SPAG16: variants seen among roughly 807,000 people sequenced by gnomAD.
The protein encoded by SPAG16 is sperm-associated antigen 16 protein.
A neutral mutation model predicts 80.4 loss-of-function variants in SPAG16; 86 were observed. That is an observed-to-expected ratio of 1.07 (90% CI 0.90 to 1.28). SPAG16 has a LOEUF of 1.28. Among genes scored for constraint, SPAG16 ranks in the 50% most tolerant of loss-of-function variants. The pLI is 0.00. For synonymous variants in SPAG16, 294 were observed against 265.9 expected (o/e 1.11, Z -1.03); for missense variants, 870 against 765.3 (o/e 1.14, Z -1.61).
intron 9 of SPAG16, among the ~76,000 whole-genome samples, chr2:213,383,523 T>C (rs1012000612): frequency 7.2e-5 from 11 of 152,198 alleles, no homozygotes; most frequent in Non-Finnish European, 4.4e-5. Context: ...AATGATGATA[T>C]ACACTCCAAT....
intron 15 of SPAG16, among the ~76,000 whole-genome samples, chr2:214,361,568 G>T (rs1699185709): frequency 6.6e-6 from 1 of 151,838 alleles, no homozygotes; most frequent in Non-Finnish European, 1.5e-5. Context: ...CATCCAGGTT[G>T]TTTTGTTTAA....
intron 10 of SPAG16, among the ~76,000 whole-genome samples, chr2:213,841,120 G>T (rs1036880605): frequency 4.6e-5 from 7 of 151,908 alleles, no homozygotes; most frequent in African/African-American, 9.7e-5. Flanking sequence ...TGCTTTTTTG[G>T]TTTTTGTTTT....
chr2:213,738,668 G>T (rs1252531075), intron 10 of SPAG16, among the ~76,000 whole-genome samples: 1 of 152,080 alleles, frequency 6.6e-6, no homozygotes, highest in Non-Finnish European at 1.5e-5. Flanking sequence ...TATTGTTTTT[G>T]TTATTATTGT....
chr2:214,193,395 ATGTGTG>A (rs60839638), intron 15 of SPAG16, among the ~76,000 whole-genome samples: 63 of 124,460 alleles, frequency 5.1e-4, no homozygotes, highest in African/African-American at 1.4e-3. Context: ...GAGATCTTTT[ATGTGTG>A]TGTGTGTGTG....
At chr2:213,387,940 G>T (rs1042179576) in intron 9 of SPAG16, among the ~76,000 whole-genome samples, 1 of 152,082 alleles carries the variant, frequency 6.6e-6, no homozygotes, top group African/African-American at 2.4e-5. Context: ...GTGGCAGAGT[G>T]GGAAGCACCA....
rs1287378970 is a variant in SPAG16, at chr2:213,961,192, T to C, written c.1400+31047T>C. 2.0e-5 allele frequency among the ~76,000 whole-genome samples: 3 copies of C among 152,230 alleles called. No individual in the cohort carries two copies. The East Asian group carries it at 5.8e-4, about 29-fold the overall frequency. ...TTTAGGTGGGAAGAAAGATTCCTGGTGCTTCTTATTCTGCCATCTCTCCAA... is the reference window on the plus strand; with the variant it reads ...TTTAGGTGGGAAGAAAGATTCCTGGCGCTTCTTATTCTGCCATCTCTCCAA... On this transcript the variant is annotated intron_variant, in intron 12 of 15. Transcript: ENST00000331683.
At chr2:213,777,186 A>G (rs1351629200) in intron 10 of SPAG16, among the ~76,000 whole-genome samples, 1 of 150,690 alleles carries the variant, frequency 6.6e-6, no homozygotes, top group African/African-American at 2.4e-5. Context: ...ATATATTAAT[A>G]CTAACCCCAA....
At chr2:213,753,212 C>T (rs1469042956) in intron 10 of SPAG16, among the ~76,000 whole-genome samples, 2 of 152,132 alleles carry the variant, frequency 1.3e-5, no homozygotes, top group Non-Finnish European at 2.9e-5. Context: ...TGGGGTTTCA[C>T]TTTGTTAGCC....
chr2:213,636,371 A>T (rs1288960210), intron 10 of SPAG16, among the ~76,000 whole-genome samples: 1 of 152,128 alleles, frequency 6.6e-6, no homozygotes, highest in Non-Finnish European at 1.5e-5. Flanking sequence ...TATAGTTTGA[A>T]GTTGGGTAAT....
At chr2:213,663,567 C>A (rs943606280) in intron 10 of SPAG16, among the ~76,000 whole-genome samples, 6 of 152,042 alleles carry the variant, frequency 3.9e-5, no homozygotes, top group Non-Finnish European at 8.8e-5. Context: ...TTATGGACAG[C>A]AATTTGATAA....
intron 5 of SPAG16, among the ~76,000 whole-genome samples, chr2:213,320,655 C>T (rs993440390): frequency 1.3e-5 from 2 of 152,002 alleles, no homozygotes; most frequent in African/African-American, 4.8e-5. Flanking sequence ...TGAGTAAGGA[C>T]ACGCAATATT....
intron 11 of SPAG16, among the ~76,000 whole-genome samples, chr2:213,864,459 A>G (rs1036131163): frequency 3.9e-5 from 6 of 152,194 alleles, no homozygotes; most frequent in Admixed American, 3.3e-4. Flanking sequence ...TGATTTTTTA[A>G]TGAATACAGT....
At chr2:214,009,264 C>A (rs759969010) in intron 12 of SPAG16, among the ~76,000 whole-genome samples, 2 of 152,126 alleles carry the variant, frequency 1.3e-5, no homozygotes, top group Non-Finnish European at 2.9e-5. Context: ...ACTCAGAAGC[C>A]CAGACTTTTC....
At chr2:214,155,287 G>A (rs542871621) in intron 15 of SPAG16, among the ~76,000 whole-genome samples, 2 of 152,284 alleles carry the variant, frequency 1.3e-5, no homozygotes, top group Admixed American at 1.3e-4. Context: ...AATAATTTGT[G>A]TTCGCACCAA....
intron 15 of SPAG16, among the ~76,000 whole-genome samples, chr2:214,297,823 CTT>C (rs748471904): frequency 7.9e-5 from 10 of 125,948 alleles, no homozygotes; most frequent in Admixed American, 2.4e-4. Context: ...CTATTTGGCT[CTT>C]TTTTTTTTTT....
chr2:214,184,040 A>T (rs922651867), intron 15 of SPAG16, among the ~76,000 whole-genome samples: 3 of 152,020 alleles, frequency 2.0e-5, no homozygotes, highest in South Asian at 4.1e-4. Flanking sequence ...CTAAATGTTT[A>T]TTTTCAATTT....
At chr2:214,123,471 C>T (rs893475618) in intron 14 of SPAG16, among the ~76,000 whole-genome samples, 3 of 151,928 alleles carry the variant, frequency 2.0e-5, no homozygotes, top group Non-Finnish European at 4.4e-5. Flanking sequence ...TATATGAAAA[C>T]AGTTCAGTAG....
intron 13 of SPAG16, among the ~76,000 whole-genome samples, chr2:214,070,419 G>A (rs893963199): frequency 6.6e-6 from 1 of 151,980 alleles, no homozygotes; most frequent in Admixed American, 6.6e-5. Context: ...TAAGCCAGTT[G>A]TCCAAAGGCT....
intron 10 of SPAG16, among the ~76,000 whole-genome samples, chr2:213,584,602 G>A (rs73988557): frequency 0.07 from 10,666 of 151,644 alleles, 1,247 homozygotes; most frequent in African/African-American, 0.24. Context: ...AAAGGAAAAA[G>A]GAAGGAAAGA....
Sources: allele counts gnomAD v4.1 joint callset (sites outside exome capture counted in the v4.1 genomes callset), GRCh38; gene constraint gnomAD v4.1.1; transcripts MANE v1.5; gene names NCBI Gene and HGNC (gene_info 2026-07-23, HGNC 2026-07-21).